SEPSECS: variants seen among roughly 807,000 people sequenced by gnomAD.
SEPSECS encodes Sep (O-phosphoserine) tRNA:Sec (selenocysteine) tRNA synthase.
Under a neutral mutation model 52.1 loss-of-function variants are expected in SEPSECS, and 42 were observed. That is an observed-to-expected ratio of 0.81 (90% confidence interval 0.63 to 1.04). SEPSECS has a LOEUF of 1.04. Among genes scored for constraint, SEPSECS ranks in the 50% least tolerant of loss-of-function variants. The probability of loss-of-function intolerance (pLI) is 0.00; values close to 1 mark genes in which losing one functional copy is unlikely to be tolerated. For missense variants in SEPSECS, 590 were observed against 610.6 expected (o/e 0.97, Z 0.36); for synonymous variants, 216 against 211.4 (o/e 1.02, Z -0.19).
intron 4 of SEPSECS, among the ~76,000 whole-genome samples, chr4:25,155,550 T>C (rs1712574549): frequency 6.6e-6 from 1 of 152,220 alleles, no homozygotes; most frequent in Admixed American, 6.5e-5. Flanking sequence ...TCTGTTTTAT[T>C]TTAAAGTTCA....
chr4:25,127,407 G>T, intron 8 of SEPSECS, 50 bp from the exon 9 acceptor site: 1 of 1,330,728 alleles, frequency 7.5e-7, no homozygotes, highest in Non-Finnish European at 1.1e-6. Flanking sequence ...TCTACTGCCA[G>T]ATTTAATAAG....
chr4:25,152,379 A>T (rs1356330396), intron 5 of SEPSECS, among the ~76,000 whole-genome samples: 1 of 152,074 alleles, frequency 6.6e-6, no homozygotes, highest in Non-Finnish European at 1.5e-5. Flanking sequence ...AAGATTATTT[A>T]TAATGACCCC....
At chr4:25,160,140 T>C in intron 1 of SEPSECS, 116 bp downstream of exon 1, 2 of 1,508,488 alleles carry the variant, frequency 1.3e-6, no homozygotes, top group East Asian at 2.5e-5. Context: ...TGAGACAGAC[T>C]TGGGACTAGT....
chr4:25,134,264 A>G (rs1728737051), intron 8 of SEPSECS, among the ~76,000 whole-genome samples: 1 of 151,276 alleles, frequency 6.6e-6, no homozygotes, highest in Non-Finnish European at 1.5e-5. Context: ...GGACTGCTTG[A>G]GCTCAGGAGT....
chr4:25,145,201 C>A, intron 6 of SEPSECS, 68 bp from the exon 7 acceptor site: 1 of 1,503,032 alleles, frequency 6.7e-7, no homozygotes, highest in Admixed American at 1.7e-5. Context: ...CAAACAAATA[C>A]CACAACAAAA....
At chr4:25,156,416 T>A (rs1371290779) in intron 3 of SEPSECS, among the ~76,000 whole-genome samples, 1 of 149,622 alleles carries the variant, frequency 6.7e-6, no homozygotes, top group Non-Finnish European at 1.5e-5. Flanking sequence ...AAAAAAAAAG[T>A]CTTTTCGGCC....
intron 6 of SEPSECS, among the ~76,000 whole-genome samples, chr4:25,147,416 G>A (rs942717877): frequency 2.0e-5 from 3 of 152,198 alleles, no homozygotes; most frequent in Admixed American, 2.0e-4. Context: ...AGTATTTGTT[G>A]AATGAAGTGA....
Position 25,120,307 on chromosome 4 carries a change from A to G in SEPSECS, c.*3624T>C, listed in dbSNP as rs1728068162. On this transcript the variant is annotated 3_prime_UTR_variant, in exon 11 of 11. Coordinates refer to ENST00000382103, the MANE Select transcript of SEPSECS (RefSeq NM_016955.4). ...ACTGCAGAGTAGTGAGTAGGAAATT[A>G]CAAACATATATTCATTAGCCTTAAA... The G allele has an allele frequency of 6.6e-6, 1 of 152,180 alleles. No individual in the cohort carries two copies. Among genetic ancestry groups the G allele is most frequent in the South Asian group, 2.1e-4 (1 of 4,836 alleles). 9.4% of individuals were successfully genotyped at this position (152,180 alleles called of 1,614,324 possible).
rs1171796293 is a variant in SEPSECS, at chr4:25,156,072, T to G, written c.512A>C (p.Asp171Ala). The G allele has an allele frequency of 6.2e-7, 1 of 1,613,884 alleles. No individual in the cohort carries two copies. The highest frequency in any genetic ancestry group is 8.5e-7 in the Non-Finnish European group (1 of 1,179,936). ...KAKYIIWPRI[D>A]QKSCFKSMIT... ...CATGGATTTAAAGCAGGACTTCTGG[T>G]CTATTCGTGGCCATATAATATACTT... is the stretch of plus-strand genomic sequence containing the variant. Residue 171 changes from aspartate to alanine, a missense_variant, in exon 4 of 11, where the codon GAC (aspartate) becomes GCC (alanine). Asp to Ala is a moderately radical substitution (Grantham distance 126, BLOSUM62 -2). Coordinates refer to ENST00000382103, the MANE Select transcript of SEPSECS (RefSeq NM_016955.4).
chr4:25,129,375 C>A (rs1029491159), intron 8 of SEPSECS, among the ~76,000 whole-genome samples: 1 of 151,954 alleles, frequency 6.6e-6, no homozygotes, highest in Non-Finnish European at 1.5e-5. Context: ...GTAATCCCAG[C>A]ATTTTTGGGA....
In SEPSECS at chr4:25,122,740, T is replaced by C. The variant is rs923030964; in HGVS notation, c.*1191A>G. 6.6e-6 allele frequency: 1 copy of C among 152,192 alleles called. No individual in the cohort carries two copies. Among genetic ancestry groups the C allele is most frequent in the Admixed American group, 6.6e-5 (1 of 15,262 alleles). The allele number at this position is 152,192 out of a possible 1,614,324, so 9.4% of individuals were successfully genotyped here. A position where few individuals can be genotyped will look rare whatever the true frequency, so the allele number is the denominator to read the frequency against. On this transcript the variant is annotated 3_prime_UTR_variant, in exon 11 of 11. Transcript: ENST00000382103. ...AAATCTTCAGGCTATGACATCTCTA[T>C]TTCTTAAAATAGTCTTAAGTAAGTC... is the stretch of plus-strand genomic sequence containing the variant.
chr4:25,135,932 A>C (rs1728823915), intron 8 of SEPSECS, among the ~76,000 whole-genome samples: 1 of 152,230 alleles, frequency 6.6e-6, no homozygotes, highest in Non-Finnish European at 1.5e-5. Context: ...TCATCAGATA[A>C]AGAGAACTAA....
chr4:25,158,923 G>GT (rs777722500), intron 2 of SEPSECS, 30 bp downstream of exon 2: 54 of 1,599,408 alleles, frequency 3.4e-5, no homozygotes, highest in Non-Finnish European at 2.1e-5. Context: ...AATAAACGAT[G>GT]TATCTCCTGT....
At chr4:25,125,470 A>G (rs1038501347) in intron 10 of SEPSECS, 1 of 552,464 alleles carries the variant, frequency 1.8e-6, no homozygotes, top group Non-Finnish European at 3.2e-6. Flanking sequence ...CATCTATGAA[A>G]ACAAACAAGA....
At chr4:25,147,804 T>A (rs576310973) in intron 6 of SEPSECS, among the ~76,000 whole-genome samples, 16 of 151,876 alleles carry the variant, frequency 1.1e-4, no homozygotes, top group East Asian at 1.9e-4. Context: ...ATAAAAAAAA[T>A]TTATTTATAC....
chr4:25,123,916 G>T lies in SEPSECS; in HGVS notation c.*15C>A. ...ATCATTTCTTTCAAATGATCAAGAAGAAACCCTTCGCATGTCATGAAGAAG... is the reference window on the plus strand; with the variant it reads ...ATCATTTCTTTCAAATGATCAAGAATAAACCCTTCGCATGTCATGAAGAAG... On this transcript the variant is annotated 3_prime_UTR_variant, in exon 11 of 11. Transcript: ENST00000382103. The T allele has an allele frequency of 1.2e-6, 2 of 1,606,984 alleles. No individual in the cohort carries two copies. The highest frequency in any genetic ancestry group is 1.1e-5 in the South Asian group (1 of 90,908).
Position 25,120,048 on chromosome 4 carries a change from A to C in SEPSECS, c.*3883T>G, listed in dbSNP as rs889602195. 2.0e-5 allele frequency: 3 copies of C among 152,074 alleles called. No homozygotes were observed. The highest frequency in any genetic ancestry group is 4.4e-5 in the Non-Finnish European group (3 of 67,986). 9.4% of individuals were successfully genotyped at this position (152,074 alleles called of 1,614,324 possible). On this transcript the variant is annotated 3_prime_UTR_variant, in exon 11 of 11. Coordinates refer to ENST00000382103, the MANE Select transcript of SEPSECS (RefSeq NM_016955.4). ...AAAAATTTATTTCATATAATAAATTATATAATTTATTTTCATCTTTAAACA... is the reference window on the plus strand; with the variant it reads ...AAAAATTTATTTCATATAATAAATTCTATAATTTATTTTCATCTTTAAACA...
At chr4:25,135,930 TA>T (rs1332508824) in intron 8 of SEPSECS, among the ~76,000 whole-genome samples, 1 of 152,120 alleles carries the variant, frequency 6.6e-6, no homozygotes, top group Admixed American at 6.5e-5. Context: ...ATTCATCAGA[TA>T]AAGAGAACTA....
rs1011393972 is a variant in SEPSECS, at chr4:25,121,105, A to G, written c.*2826T>C. 6 of 152,150 alleles carry G rather than the reference A, an allele frequency of 3.9e-5. No individual in the cohort carries two copies. Among genetic ancestry groups the G allele is most frequent in the Non-Finnish European group, 7.4e-5 (5 of 68,000 alleles). 9.4% of individuals were successfully genotyped at this position (152,150 alleles called of 1,614,324 possible). ...AACTGTATTCAATAATTCATATTCT[A>G]TAACTTCATTCAACTAATACAAAAA... On this transcript the variant is annotated 3_prime_UTR_variant, in exon 11 of 11. Transcript: ENST00000382103.
Sources: gnomAD v4.1 joint callset for allele counts (sites outside exome capture counted in the v4.1 genomes callset) on GRCh38, gnomAD v4.1.1 for gene constraint, MANE v1.5 for transcripts, NCBI Gene and HGNC (gene_info 2026-07-23, HGNC 2026-07-21) for gene names.